Variants in RBFOX1 observed in about 807,000 individuals in gnomAD.
RBFOX1 encodes the protein RNA binding fox-1 homolog 1.
RBFOX1 carries 8 observed loss-of-function variants against 57.7 expected under a neutral mutation model. The ratio of observed to expected loss-of-function variants is 0.14; its 90% CI spans 0.08 to 0.25. The LOEUF (loss-of-function observed/expected upper bound fraction) is 0.25, where lower values mean the gene tolerates loss of function less well. RBFOX1 is among the 10% of genes least tolerant of loss of function. The pLI is 1.00. For synonymous variants in RBFOX1, 326 were observed against 222.4 expected (o/e 1.47, Z -4.15); for missense variants, 611 against 548.5 (o/e 1.11, Z -1.14).
intron 4 of RBFOX1, among the ~76,000 whole-genome samples, chr16:7,198,641 C>T (rs937636983): frequency 9.2e-5 from 14 of 152,156 alleles, no homozygotes; most frequent in African/African-American, 3.1e-4. Flanking sequence ...TCCTCCATCA[C>T]ATGGTGGAAG....
At chr16:7,122,722 C>T (rs1162734772) in intron 4 of RBFOX1, among the ~76,000 whole-genome samples, 1 of 152,102 alleles carries the variant, frequency 6.6e-6, no homozygotes, top group Non-Finnish European at 1.5e-5. Flanking sequence ...TCCTGGGTTC[C>T]TTACCCAAAG....
chr16:5,875,690 C>T (rs1267455363), intron 4 of RBFOX1, among the ~76,000 whole-genome samples: 1 of 152,166 alleles, frequency 6.6e-6, no homozygotes, highest in Non-Finnish European at 1.5e-5. Flanking sequence ...CACATGGAAG[C>T]ATCATTCCTA....
chr16:5,345,516 G>T (rs903658813), intron 1 of RBFOX1, among the ~76,000 whole-genome samples: 3 of 152,196 alleles, frequency 2.0e-5, no homozygotes, highest in African/African-American at 7.2e-5. Flanking sequence ...CCAAGCCCTG[G>T]GGCACTGGTG....
intron 4 of RBFOX1, among the ~76,000 whole-genome samples, chr16:7,097,977 G>T (rs187313963): frequency 6.6e-6 from 1 of 152,280 alleles, no homozygotes; most frequent in Non-Finnish European, 1.5e-5. Context: ...AGTGAGTGTT[G>T]TGAGGAGTTT....
At chr16:7,190,150 C>G (rs1444536811) in intron 4 of RBFOX1, among the ~76,000 whole-genome samples, 3 of 152,134 alleles carry the variant, frequency 2.0e-5, no homozygotes, top group African/African-American at 7.2e-5. Context: ...TGTTCTAGGT[C>G]AGGAGTTCGA....
intron 1 of RBFOX1, among the ~76,000 whole-genome samples, chr16:6,029,617 C>A (rs933254095): frequency 6.6e-6 from 1 of 150,376 alleles, no homozygotes; most frequent in Non-Finnish European, 1.5e-5. Context: ...ACTAAAAATA[C>A]AAAAAATTAG....
chr16:7,085,331 C>T (rs1361003773), intron 4 of RBFOX1, among the ~76,000 whole-genome samples: 1 of 152,062 alleles, frequency 6.6e-6, no homozygotes, highest in African/African-American at 2.4e-5. Flanking sequence ...AAATGTAGAC[C>T]TTACCTTGCT....
intron 3 of RBFOX1, among the ~76,000 whole-genome samples, chr16:5,659,039 G>T (rs1331631696): frequency 6.6e-6 from 1 of 151,876 alleles, no homozygotes; most frequent in Admixed American, 6.6e-5. Context: ...GGGATTGCTG[G>T]ATCAAATGGT....
chr16:6,604,293 A>T (rs1232167816), intron 2 of RBFOX1, among the ~76,000 whole-genome samples: 1 of 152,030 alleles, frequency 6.6e-6, no homozygotes, highest in East Asian at 1.9e-4. Flanking sequence ...AACCTCAATA[A>T]ATATTATTGT....
intron 3 of RBFOX1, among the ~76,000 whole-genome samples, chr16:6,939,646 C>A (rs994520433): frequency 1.3e-5 from 2 of 151,620 alleles, no homozygotes; most frequent in Non-Finnish European, 2.9e-5. Flanking sequence ...TGAGTAGCTG[C>A]GATTACAGCC....
chr16:5,906,580 C>T (rs930502232), intron 4 of RBFOX1, among the ~76,000 whole-genome samples: 3 of 152,054 alleles, frequency 2.0e-5, no homozygotes, highest in Admixed American at 1.3e-4. Flanking sequence ...GCCCTCCAAA[C>T]GAATACTTGC....
At chr16:5,455,021 T>TTCTTTCTTTCTTTCTTTCTTTCTC (rs1317448150) in intron 1 of RBFOX1, among the ~76,000 whole-genome samples, 1 of 113,184 alleles carries the variant, frequency 8.8e-6, no homozygotes, top group Non-Finnish European at 1.8e-5. Context: ...CTTTCTTTCT[T>TTCTTTCTTTCTTTCTTTCTTTCTC]TCTCTCTCTC....
At chr16:6,616,172 G>A (rs1304383783) in intron 2 of RBFOX1, among the ~76,000 whole-genome samples, 1 of 152,124 alleles carries the variant, frequency 6.6e-6, no homozygotes, top group African/African-American at 2.4e-5. Context: ...CATTGTATGT[G>A]TATTTAACTT....
At chr16:6,510,906 C>T (rs1332753285) in intron 2 of RBFOX1, among the ~76,000 whole-genome samples, 4 of 151,520 alleles carry the variant, frequency 2.6e-5, no homozygotes, top group Admixed American at 2.0e-4. Flanking sequence ...TTACTAGTGG[C>T]TGACTCATAA....
rs144766696 is a variant in RBFOX1, at chr16:6,414,003, G to A, written c.-64+96946G>A. ...TTCTATAGGTGCACATAGACGAGAA[G>A]GAAATTCCAACCATAGGGATCGTTC... On this transcript the variant is annotated intron_variant, in intron 2 of 15. Coordinates refer to ENST00000550418, the MANE Select transcript of RBFOX1 (RefSeq NM_018723.4). 2.6e-5 allele frequency among the ~76,000 whole-genome samples: 4 copies of A among 152,262 alleles called. No individual in the cohort carries two copies. The East Asian group carries it at 7.7e-4, about 29-fold the overall frequency.
intron 1 of RBFOX1, among the ~76,000 whole-genome samples, chr16:6,091,157 C>G (rs1005611892): frequency 6.6e-6 from 1 of 152,196 alleles, no homozygotes; most frequent in Non-Finnish European, 1.5e-5. Flanking sequence ...CTCACTTCTC[C>G]TATCTAACTG....
intron 4 of RBFOX1, among the ~76,000 whole-genome samples, chr16:5,930,931 A>G (rs2059041794): frequency 4.0e-5 from 1 of 25,146 alleles, no homozygotes; most frequent in Admixed American, 5.9e-4. Flanking sequence ...GGTAGGTGGG[A>G]GGATGGGTAG....
chr16:5,561,037 T>C (rs1033192395), intron 2 of RBFOX1, among the ~76,000 whole-genome samples: 2 of 152,154 alleles, frequency 1.3e-5, no homozygotes, highest in Admixed American at 6.5e-5. Flanking sequence ...TCCTAAAGAT[T>C]TTATTGCAAC....
chr16:6,461,608 T>G (rs902335656), intron 2 of RBFOX1, among the ~76,000 whole-genome samples: 2 of 152,216 alleles, frequency 1.3e-5, no homozygotes, highest in African/African-American at 4.8e-5. Flanking sequence ...GAATTTTAAC[T>G]TTGTCTTTTT....
Sources: allele counts gnomAD v4.1 joint callset (sites outside exome capture counted in the v4.1 genomes callset), GRCh38; gene constraint gnomAD v4.1.1; transcripts MANE v1.5; gene names NCBI Gene and HGNC (gene_info 2026-07-23, HGNC 2026-07-21).